Variants in GABRB3 observed in about 807,000 individuals in gnomAD.
GABRB3 encodes gamma-aminobutyric acid receptor subunit beta-3.
A neutral mutation model predicts 52.1 loss-of-function variants in GABRB3; 14 were observed. That is an observed-to-expected ratio of 0.27 (90% CI 0.18 to 0.42). GABRB3 has a LOEUF of 0.42. Among genes scored for constraint, GABRB3 ranks in the 10% least tolerant of loss-of-function variants. The pLI is 1.00. For synonymous variants in GABRB3, 260 were observed against 232.3 expected, an observed-to-expected ratio of 1.12 and a Z score of -1.08; for missense variants, 307 against 609.1, an observed-to-expected ratio of 0.50 and a Z score of 5.22.
At chr15:26,590,544 C>G (rs1042747924) in intron 4 of GABRB3, among the ~76,000 whole-genome samples, 21 of 152,164 alleles carry the variant, frequency 1.4e-4, no homozygotes, top group Non-Finnish European at 4.4e-5. Flanking sequence ...GATGTTGGAC[C>G]TAAGTCAAAT....
chr15:26,737,851 T>C (rs967348325), intron 3 of GABRB3, among the ~76,000 whole-genome samples: 2 of 152,180 alleles, frequency 1.3e-5, no homozygotes, highest in African/African-American at 4.8e-5. Flanking sequence ...TCTGAAGACA[T>C]GAATTTTTAT....
chr15:26,592,303 C>A (rs1891236938), intron 4 of GABRB3, among the ~76,000 whole-genome samples: 1 of 152,204 alleles, frequency 6.6e-6, no homozygotes, highest in African/African-American at 2.4e-5. Context: ...GAGGCTACAG[C>A]CTCCAATATG....
At position 26,772,916 on chromosome 15, in the gene GABRB3, G is replaced by A; in HGVS notation, c.47C>T (p.Pro16Leu). 6.7e-7 allele frequency: 1 copy of A among 1,495,888 alleles called. No homozygotes were observed. The highest frequency in any genetic ancestry group is 8.9e-7 in the Non-Finnish European group (1 of 1,121,444). 92.7% of individuals were successfully genotyped at this position (1,495,888 alleles called of 1,614,324 possible). A position where few individuals can be genotyped will look rare whatever the true frequency, so the allele number is the denominator to read the frequency against. Residue 16 changes from proline to leucine, a missense_variant, in exon 1 of 9, where the codon CCG (proline) becomes CTG (leucine). By Grantham distance (98) the Pro-to-Leu change is moderately conservative. Transcript: ENST00000311550. ...GCAGCACACCACAGCCACCAGCACC[G>A]GGGCCGAGAAGATGCCGAAAAGCCT... The part of the protein sequence containing the change: ...GGRLFGIFSA[P>L]VLVAVVCCAQ...
intron 3 of GABRB3, among the ~76,000 whole-genome samples, chr15:26,753,743 G>A (rs1220211037): frequency 6.6e-6 from 1 of 152,212 alleles, no homozygotes; most frequent in Non-Finnish European, 1.5e-5. Context: ...AGGAGACAGT[G>A]AATGTGGGTA....
chr15:26,581,894 G>C (rs1595457763), intron 5 of GABRB3, among the ~76,000 whole-genome samples: 1 of 152,188 alleles, frequency 6.6e-6, no homozygotes, highest in African/African-American at 2.4e-5. Flanking sequence ...GCTCCACAAA[G>C]GCAGGTGTTT....
Position 26,543,632 on chromosome 15 carries a change from T to C in GABRB3, c.*4161A>G, listed in dbSNP as rs1889113944. 6.6e-6 allele frequency: 1 copy of C among 152,648 alleles called. No individual in the cohort carries two copies. 9.5% of individuals were successfully genotyped at this position (152,648 alleles called of 1,614,324 possible). A position where few individuals can be genotyped will look rare whatever the true frequency, so the allele number is the denominator to read the frequency against. ...TATCTATCACTCAATTTTGCTGTTT[T>C]TTCATGTCAAATAATACCAAAAAAT... is the stretch of plus-strand genomic sequence containing the variant. On this transcript the variant is annotated 3_prime_UTR_variant, in exon 9 of 9. Transcript: ENST00000311550.
At chr15:26,602,570 A>C (rs1891628174) in intron 4 of GABRB3, among the ~76,000 whole-genome samples, 1 of 152,114 alleles carries the variant, frequency 6.6e-6, no homozygotes, top group Non-Finnish European at 1.5e-5. Flanking sequence ...ATCTTCTGTG[A>C]CCACAACAGA....
rs1299248725 is a variant in GABRB3, at chr15:26,547,633, A to C, written c.*160T>G. 1.6e-6 allele frequency: 1 copy of C among 638,852 alleles called. No homozygotes were observed. Among genetic ancestry groups the C allele is most frequent in the African/African-American group, 1.8e-5 (1 of 54,862 alleles). 39.6% of individuals were successfully genotyped at this position (638,852 alleles called of 1,614,324 possible). A position where few individuals can be genotyped will look rare whatever the true frequency, so the allele number is the denominator to read the frequency against. On this transcript the variant is annotated 3_prime_UTR_variant, in exon 9 of 9. Transcript: ENST00000311550. ...ACATCCTCATATACACGTGTATTTT[A>C]TATATATGCTGAGAAAGTTCACATA...
chr15:26,759,944 C>G (rs111620351), intron 3 of GABRB3, among the ~76,000 whole-genome samples: 166 of 152,294 alleles, frequency 1.1e-3, no homozygotes, highest in African/African-American at 3.8e-3. Context: ...TATTCACAAA[C>G]TAATAATTCT....
chr15:26,707,616 G>T (rs752704505), intron 3 of GABRB3, among the ~76,000 whole-genome samples: 19 of 152,164 alleles, frequency 1.2e-4, no homozygotes, highest in Non-Finnish European at 2.1e-4. Context: ...GATGTGGAAG[G>T]CATTGCCACA....
At chr15:26,695,881 C>T (rs1245198119) in intron 3 of GABRB3, among the ~76,000 whole-genome samples, 1 of 152,144 alleles carries the variant, frequency 6.6e-6, no homozygotes, top group Non-Finnish European at 1.5e-5. Context: ...GACAGTAAAT[C>T]CAAGGAAACT....
chr15:26,594,430 T>C (rs1278142231), intron 4 of GABRB3, among the ~76,000 whole-genome samples: 2 of 152,174 alleles, frequency 1.3e-5, no homozygotes, highest in Non-Finnish European at 2.9e-5. Flanking sequence ...TTATTTCTTG[T>C]CAAGTTTAAT....
At chr15:26,616,759 T>C (rs1259989677) in intron 4 of GABRB3, among the ~76,000 whole-genome samples, 1 of 152,176 alleles carries the variant, frequency 6.6e-6, no homozygotes, top group Non-Finnish European at 1.5e-5. Flanking sequence ...ATTTAACATT[T>C]ACATATGAAG....
chr15:26,618,719 A>T (rs900984084), intron 4 of GABRB3, among the ~76,000 whole-genome samples: 11 of 152,062 alleles, frequency 7.2e-5, no homozygotes, highest in African/African-American at 2.4e-4. Context: ...CTACCATCAG[A>T]GTGAACAGGC....
chr15:26,548,587 A>G (rs576275456), intron 8 of GABRB3, among the ~76,000 whole-genome samples: 2 of 152,288 alleles, frequency 1.3e-5, no homozygotes, highest in African/African-American at 4.8e-5. Flanking sequence ...AGAGAAACAC[A>G]TGAATAGTCC....
chr15:26,635,647 A>T (rs8035721), intron 3 of GABRB3, among the ~76,000 whole-genome samples: 4,046 of 152,242 alleles, frequency 0.027, 191 homozygotes, highest in African/African-American at 0.091. Context: ...ACTCCCTTTC[A>T]TTTACAGAAT....
intron 4 of GABRB3, among the ~76,000 whole-genome samples, chr15:26,583,687 T>C (rs573309905): frequency 1.3e-5 from 2 of 152,208 alleles, no homozygotes; most frequent in Admixed American, 1.3e-4. Flanking sequence ...AAAAATTGTA[T>C]ACATTTGTAA....
At chr15:26,717,474 G>A (rs188568877) in intron 3 of GABRB3, among the ~76,000 whole-genome samples, 40 of 152,302 alleles carry the variant, frequency 2.6e-4, no homozygotes, top group Admixed American at 2.0e-3. Flanking sequence ...CTAGCACTTC[G>A]ATTACTTACC....
intron 3 of GABRB3, among the ~76,000 whole-genome samples, chr15:26,732,010 G>A (rs985007191): frequency 5.9e-5 from 9 of 152,186 alleles, no homozygotes; most frequent in African/African-American, 2.2e-4. Context: ...TGGACAGATG[G>A]ACAGATGGTT....
Sources: allele counts gnomAD v4.1 joint callset (sites outside exome capture counted in the v4.1 genomes callset), GRCh38; gene constraint gnomAD v4.1.1; transcripts MANE v1.5; gene names NCBI Gene and HGNC (gene_info 2026-07-23, HGNC 2026-07-21).